Variants in GNAI1 observed in about 807,000 individuals in gnomAD.
GNAI1 encodes guanine nucleotide-binding protein G(i) subunit alpha-1.
GNAI1 carries 11 observed loss-of-function variants against 38.9 expected under a neutral mutation model. The ratio of observed to expected loss-of-function variants is 0.28; its 90% confidence interval spans 0.18 to 0.47. The LOEUF (loss-of-function observed/expected upper bound fraction) is 0.47, where lower values mean the gene tolerates loss of function less well. Among genes scored for constraint, GNAI1 ranks in the 20% least tolerant of loss-of-function variants. The pLI is 0.99. For missense variants in GNAI1, 317 were observed against 436.9 expected, an observed-to-expected ratio of 0.73 and a Z score of 2.45; for synonymous variants, 166 against 145.1, an observed-to-expected ratio of 1.14 and a Z score of -1.04.
At chr7:80,190,611 T>C (rs142535644) in intron 3 of GNAI1, among the ~76,000 whole-genome samples, 12 of 152,260 alleles carry the variant, frequency 7.9e-5, no homozygotes, top group Non-Finnish European at 1.5e-4. Context: ...TTTTAATCTT[T>C]GTTTAAAAGA....
At chr7:80,165,331 A>C (rs1392869035) in intron 1 of GNAI1, among the ~76,000 whole-genome samples, 3 of 152,050 alleles carry the variant, frequency 2.0e-5, no homozygotes, top group Admixed American at 1.3e-4. Context: ...CACAGATCTC[A>C]CTCCACAGCT....
chr7:80,202,496 ATTTGTTAAGTCGGATTTTC>A (rs573204857), intron 4 of GNAI1, among the ~76,000 whole-genome samples: 103 of 152,308 alleles, frequency 6.8e-4, no homozygotes, highest in African/African-American at 2.3e-3. Context: ...GGCTTGTTTG[ATTTGTTAAGTCGGATTTTC>A]TTACAGTAAA....
chr7:80,141,268 A>G (rs555039248), intron 1 of GNAI1, among the ~76,000 whole-genome samples: 1 of 152,276 alleles, frequency 6.6e-6, no homozygotes, highest in South Asian at 2.1e-4. Flanking sequence ...AACATCTCCA[A>G]AAGTCTCAAC....
chr7:80,170,968 T>TA (rs1053953611), intron 1 of GNAI1, among the ~76,000 whole-genome samples: 23 of 152,302 alleles, frequency 1.5e-4, no homozygotes, highest in African/African-American at 4.3e-4. Context: ...CATTTTACAG[T>TA]AAATATATTA....
At chr7:80,185,953 A>G (rs1392450757) in intron 1 of GNAI1, among the ~76,000 whole-genome samples, 1 of 151,210 alleles carries the variant, frequency 6.6e-6, no homozygotes, top group East Asian at 1.9e-4. Flanking sequence ...GTAGATATCT[A>G]TTCCACAAAG....
At chr7:80,206,407 C>T (rs1047812014) in intron 5 of GNAI1, among the ~76,000 whole-genome samples, 8 of 151,788 alleles carry the variant, frequency 5.3e-5, no homozygotes, top group African/African-American at 1.7e-4. Context: ...TTACTGAAAT[C>T]GTTTAACTTC....
rs568741511 is a variant in GNAI1 at position 80,221,938 on chromosome 7, C to T, written c.*4445C>T. Among the ~76,000 whole-genome samples the T allele has an allele frequency of 2.3e-4, 35 of 152,134 alleles. 1 individual carries two copies. The Middle Eastern group carries it at 0.01, about 44-fold the overall frequency. On this transcript the variant is annotated 3_prime_UTR_variant, in exon 8 of 8. Transcript: ENST00000649796. ...TACAGACGTGAGCCACTGCGCCCAG[C>T]CAGTTTTCTTTTTTAGTTCTTTTCA...
At chr7:80,196,969 AC>A (rs1788588670) in intron 3 of GNAI1, among the ~76,000 whole-genome samples, 1 of 151,986 alleles carries the variant, frequency 6.6e-6, no homozygotes, top group Non-Finnish European at 1.5e-5. Flanking sequence ...CGAATACAGT[AC>A]TTTTTAATTA....
intron 1 of GNAI1, among the ~76,000 whole-genome samples, chr7:80,182,794 A>G (rs1407431969): frequency 1.3e-5 from 2 of 152,220 alleles, no homozygotes; most frequent in Admixed American, 6.5e-5. Context: ...CATTACATGC[A>G]TGTTCACGTG....
Position 80,221,607 on chromosome 7 carries a change from T to TA in GNAI1, c.*4114_*4115insA, listed in dbSNP as rs1419683693. Among the ~76,000 whole-genome samples, 2 of 151,700 alleles carry TA rather than the reference T, an allele frequency of 1.3e-5. No individual in the cohort carries two copies. The highest frequency in any genetic ancestry group is 2.9e-5 in the Non-Finnish European group (2 of 67,970). On this transcript the variant is annotated 3_prime_UTR_variant, in exon 8 of 8. Coordinates refer to ENST00000649796, the MANE Select transcript of GNAI1 (RefSeq NM_002069.6). ...AATGTAACCAATAGTATGAGAGAGT[T>TA]TATATTTTAATGTTAGGTTGGAAAT...
At position 80,178,379 on chromosome 7, in the gene GNAI1, TAA is replaced by T. The variant is rs201129068; in HGVS notation, c.119-10570_119-10569del. On this transcript the variant is annotated intron_variant, in intron 1 of 7. Transcript: ENST00000649796. ...ATTTTGAAAGAAGTTCTGCTGCGGG[TAA>T]AGTGTTACTCAAAGAGCATCACATG... 5.8e-3 allele frequency among the ~76,000 whole-genome samples: 881 copies of T among 152,298 alleles called. 11 individuals carry two copies. The highest frequency in any genetic ancestry group is 0.02 in the African/African-American group (834 of 41,556).
At chr7:80,148,563 G>A (rs1787669441) in intron 1 of GNAI1, among the ~76,000 whole-genome samples, 2 of 151,830 alleles carry the variant, frequency 1.3e-5, no homozygotes, top group South Asian at 4.2e-4. Flanking sequence ...GAAAATTAGA[G>A]CATCTGAATG....
At chr7:80,143,087 G>T (rs749840226) in intron 1 of GNAI1, among the ~76,000 whole-genome samples, 1 of 152,300 alleles carries the variant, frequency 6.6e-6, no homozygotes, top group Non-Finnish European at 1.5e-5. Context: ...CTCACCAGCA[G>T]ACTGTTCTTT....
intron 1 of GNAI1, among the ~76,000 whole-genome samples, chr7:80,157,635 AATAAATGTGT>A (rs1287390552): frequency 6.6e-6 from 1 of 152,162 alleles, no homozygotes; most frequent in Non-Finnish European, 1.5e-5. Context: ...TGGCCATTCT[AATAAATGTGT>A]AGTGGTATCT....
At position 80,146,714 on chromosome 7, in the gene GNAI1, A is replaced by AG. The variant is rs543241167; in HGVS notation, c.118+11438dup. Among the ~76,000 whole-genome samples, 116 of 152,272 alleles carry AG rather than the reference A, an allele frequency of 7.6e-4. 2 individuals carry two copies. The highest frequency in any genetic ancestry group is 6.6e-3 in the Admixed American group (101 of 15,294). The stretch of plus-strand genomic sequence containing the variant: ...AGTCCAGTCCATCTCAGAGTCCTAG[A>AG]GGAGGTAATCTTCTCTGGTTCTTTT... On this transcript the variant is annotated intron_variant, in intron 1 of 7. Coordinates refer to ENST00000649796, the MANE Select transcript of GNAI1 (RefSeq NM_002069.6).
chr7:80,166,126 G>A (rs953679795), intron 1 of GNAI1, among the ~76,000 whole-genome samples: 4 of 152,116 alleles, frequency 2.6e-5, no homozygotes, highest in African/African-American at 7.2e-5. Context: ...CACATAGTAA[G>A]AGCTATAAAG....
chr7:80,163,511 T>C (rs1045406830), intron 1 of GNAI1, among the ~76,000 whole-genome samples: 10 of 152,196 alleles, frequency 6.6e-5, no homozygotes, highest in African/African-American at 2.4e-4. Flanking sequence ...CATAACTACT[T>C]AGCTCAAACC....
Position 80,217,561 on chromosome 7 carries a change from T to G in GNAI1, c.*68T>G. 2 of 835,846 alleles carry G rather than the reference T, an allele frequency of 2.4e-6. No homozygotes were observed. The highest frequency in any genetic ancestry group is 2.2e-5 in the South Asian group (1 of 45,338). 51.8% of individuals were successfully genotyped at this position (835,846 alleles called of 1,614,324 possible). ...TACTTATATATGGATCTCTGTAGAC[T>G]AGAGTCTTGCAGCAACACAGAATGT... is the stretch of plus-strand genomic sequence containing the variant. On this transcript the variant is annotated 3_prime_UTR_variant, in exon 8 of 8. Transcript: ENST00000649796.
At position 80,222,947 on chromosome 7, in the gene GNAI1, A is replaced by G. The variant is rs952645267; in HGVS notation, c.*5454A>G. On this transcript the variant is annotated 3_prime_UTR_variant, in exon 8 of 8. Coordinates refer to ENST00000649796, the MANE Select transcript of GNAI1 (RefSeq NM_002069.6). ...AGCCTGGCCTAACTTAAAGGTGCTCAGAACACTTAGATTAGCATACAGTTG... is the reference window on the plus strand; with the variant it reads ...AGCCTGGCCTAACTTAAAGGTGCTCGGAACACTTAGATTAGCATACAGTTG... Among the ~76,000 whole-genome samples the G allele has an allele frequency of 6.6e-6, 1 of 152,210 alleles. No individual in the cohort carries two copies. The highest frequency in any genetic ancestry group is 1.5e-5 in the Non-Finnish European group (1 of 68,030).
Sources: allele counts gnomAD v4.1 joint callset (sites outside exome capture counted in the v4.1 genomes callset), GRCh38; gene constraint gnomAD v4.1.1; transcripts MANE v1.5; gene names NCBI Gene and HGNC (gene_info 2026-07-23, HGNC 2026-07-21).